SMYD1: variants seen among roughly 807,000 people sequenced by gnomAD.
SMYD1 encodes the protein histone-lysine N-methyltransferase SMYD1.
SMYD1 carries 49 observed loss-of-function variants against 54.0 expected under a neutral mutation model. That is an observed-to-expected ratio of 0.91 (90% CI 0.72 to 1.15). SMYD1 has a LOEUF of 1.15. SMYD1 is among the 50% of genes most tolerant of loss of function. SMYD1 has a pLI of 0.00. For missense variants in SMYD1, 653 were observed against 639.6 expected, an observed-to-expected ratio of 1.02 and a Z score of -0.23; for synonymous variants, 269 against 234.2, an observed-to-expected ratio of 1.15 and a Z score of -1.36.
chr2:88,074,004 A>G (rs1674003707), intron 1 of SMYD1, among the ~76,000 whole-genome samples: 1 of 152,204 alleles, frequency 6.6e-6, no homozygotes, highest in Non-Finnish European at 1.5e-5. Context: ...ATACTTGTGG[A>G]AAGAATCAGG....
chr2:88,081,112 A>T (rs1412633501), intron 1 of SMYD1, among the ~76,000 whole-genome samples: 1 of 152,136 alleles, frequency 6.6e-6, no homozygotes, highest in Non-Finnish European at 1.5e-5. Flanking sequence ...CATGTTGGCC[A>T]GGCTAGTCTT....
At position 88,087,959 on chromosome 2, in the gene SMYD1, C is replaced by A. The variant is rs755918103; in HGVS notation, c.412C>A (p.His138Asn). 1.2e-6 allele frequency: 2 copies of A among 1,614,132 alleles called. No homozygotes were observed. Among genetic ancestry groups the A allele is most frequent in the Non-Finnish European group, 1.7e-6 (2 of 1,180,004 alleles). ...SVDDLQNHVE[H>N]FGEEEQKDLR... ...GGACGACTTGCAGAACCACGTGGAG[C>A]ACTTTGGGGAGGAGGAGCAGAAGGA... The change falls in exon 3 of 10, where the codon CAC (histidine) becomes AAC (asparagine). Residue 138 changes from histidine (H) to asparagine (N), a missense_variant. Transcript: ENST00000419482.
intron 1 of SMYD1, among the ~76,000 whole-genome samples, chr2:88,080,874 GC>G (rs1240092295): frequency 2.0e-5 from 3 of 151,830 alleles, no homozygotes; most frequent in African/African-American, 7.3e-5. Context: ...TCACAAAGGA[GC>G]TTTTGAGCTG....
chr2:88,075,987 C>A (rs1338377885), intron 1 of SMYD1, among the ~76,000 whole-genome samples: 1 of 152,152 alleles, frequency 6.6e-6, no homozygotes, highest in Non-Finnish European at 1.5e-5. Flanking sequence ...AAGACCTCAA[C>A]CTTCTCTGAG....
chr2:88,092,048 A>G (rs1318960236), intron 4 of SMYD1, among the ~76,000 whole-genome samples: 4 of 152,188 alleles, frequency 2.6e-5, no homozygotes, highest in Admixed American at 2.6e-4. Context: ...AGGGCCCCCA[A>G]CAGCTCAGCT....
intron 6 of SMYD1, among the ~76,000 whole-genome samples, chr2:88,097,544 G>T (rs754994992): frequency 1.3e-5 from 2 of 152,182 alleles, no homozygotes; most frequent in Non-Finnish European, 2.9e-5. Context: ...TGCTCAGGGG[G>T]AGGATGAGGG....
intron 6 of SMYD1, among the ~76,000 whole-genome samples, chr2:88,101,894 T>C (rs1172539416): frequency 6.6e-6 from 1 of 152,158 alleles, no homozygotes; most frequent in East Asian, 1.9e-4. Context: ...GCGTGAGCCA[T>C]CGTGCTGGGC....
intron 1 of SMYD1, among the ~76,000 whole-genome samples, chr2:88,074,534 T>C (rs918975423): frequency 6.6e-6 from 1 of 152,226 alleles, no homozygotes; most frequent in Non-Finnish European, 1.5e-5. Flanking sequence ...GTTCTGGGGA[T>C]TAAGACATTG....
chr2:88,095,915 G>A (rs1250336983), intron 5 of SMYD1, among the ~76,000 whole-genome samples: 2 of 152,182 alleles, frequency 1.3e-5, no homozygotes, highest in Admixed American at 6.5e-5. Context: ...GGTCTAGGCT[G>A]GAAGGGAACT....
rs767686633 is a variant in SMYD1, at chr2:88,091,059, C to T, written c.576C>T (p.Ala192=). Reference sequence around the variant, plus strand: ...TCAGTGATCAGAGAGGCCTGCAGGCCGTGGGCGTAGGCATCTTCCCCAACC... The same window carrying T: ...TCAGTGATCAGAGAGGCCTGCAGGCTGTGGGCGTAGGCATCTTCCCCAACC... The part of the protein sequence containing the change: ...FTLSDQRGLQ[A]VGVGIFPNLG... Residue 192 remains alanine (A), a synonymous_variant, in exon 4 of 10, where the codon GCC becomes GCT. Coordinates refer to ENST00000419482, the MANE Select transcript of SMYD1 (RefSeq NM_198274.4). 7 of 1,614,094 alleles carry T rather than the reference C, an allele frequency of 4.3e-6. No individual in the cohort carries two copies. The highest frequency in any genetic ancestry group is 5.9e-6 in the Non-Finnish European group (7 of 1,179,984).
intron 6 of SMYD1, among the ~76,000 whole-genome samples, chr2:88,099,439 G>T (rs1674671307): frequency 6.6e-6 from 1 of 152,066 alleles, no homozygotes; most frequent in Non-Finnish European, 1.5e-5. Flanking sequence ...ATAGGAATGT[G>T]CCAGGTCGGG....
Position 88,112,218 on chromosome 2 carries a change from A to G in SMYD1, c.*1706A>G, listed in dbSNP as rs1263175587. 2.7e-5 allele frequency: 19 copies of G among 693,964 alleles called. No individual in the cohort carries two copies. Among genetic ancestry groups the G allele is most frequent in the Non-Finnish European group, 2.6e-5 (10 of 378,050 alleles). 43.0% of individuals were successfully genotyped at this position (693,964 alleles called of 1,614,324 possible). ...CAAATTATCACTCTTTTACCTTCAT[A>G]TAAAATGTCTCCCCCAAACCTTTTT... On this transcript the variant is annotated 3_prime_UTR_variant, in exon 10 of 10. Transcript: ENST00000419482.
In SMYD1 at chr2:88,103,038, A is replaced by T. The variant is rs1674756607; in HGVS notation, c.889-20A>T. 8 of 1,608,968 alleles carry T rather than the reference A, an allele frequency of 5.0e-6. No homozygotes were observed. The highest frequency in any genetic ancestry group is 6.0e-6 in the Non-Finnish European group (7 of 1,175,574). On this transcript the variant is annotated intron_variant, in intron 6 of 9. Coordinates refer to ENST00000419482, the MANE Select transcript of SMYD1 (RefSeq NM_198274.4). Reference sequence around the variant, plus strand: ...TGCCTCATGAAGGCATCTCTAGCTCAATGTGTCTCTCTTTCCCAGCCCTCT... The same window carrying T: ...TGCCTCATGAAGGCATCTCTAGCTCTATGTGTCTCTCTTTCCCAGCCCTCT...
chr2:88,102,134 GAATA>G (rs765345019), intron 6 of SMYD1, among the ~76,000 whole-genome samples: 5 of 151,138 alleles, frequency 3.3e-5, no homozygotes, highest in Admixed American at 6.6e-5. Context: ...TTTACAGTCA[GAATA>G]AATAATAAAG....
chr2:88,105,515 A>G (rs1195943252), intron 7 of SMYD1, among the ~76,000 whole-genome samples: 5 of 152,162 alleles, frequency 3.3e-5, no homozygotes, highest in Admixed American at 3.3e-4. Context: ...ACATCCTTCC[A>G]TATACTTTAA....
At chr2:88,108,609 G>C (rs1674940673) in intron 9 of SMYD1, 70 bp downstream of exon 9, 6 of 1,439,804 alleles carry the variant, frequency 4.2e-6, no homozygotes, top group Non-Finnish European at 5.5e-6. Context: ...TGTGAGTTCA[G>C]GTGGACTCTG....
At chr2:88,079,571 C>G (rs567917964) in intron 1 of SMYD1, among the ~76,000 whole-genome samples, 133 of 152,264 alleles carry the variant, frequency 8.7e-4, no homozygotes, top group Non-Finnish European at 1.7e-3. Flanking sequence ...ACAATAATCC[C>G]AGCACTTTGG....
chr2:88,095,755 G>A (rs1309360799), intron 5 of SMYD1, among the ~76,000 whole-genome samples: 2 of 152,212 alleles, frequency 1.3e-5, no homozygotes, highest in Non-Finnish European at 2.9e-5. Context: ...TGGCCTTGTG[G>A]TGGAGGATGC....
intron 8 of SMYD1, among the ~76,000 whole-genome samples, chr2:88,107,720 A>T (rs1474343790): frequency 1.3e-5 from 2 of 152,166 alleles, no homozygotes; most frequent in African/African-American, 4.8e-5. Flanking sequence ...GCGAGGCTCC[A>T]TGGGTGTAGG....
Sources: gnomAD v4.1 joint callset for allele counts (sites outside exome capture counted in the v4.1 genomes callset) on GRCh38, gnomAD v4.1.1 for gene constraint, MANE v1.5 for transcripts, NCBI Gene and HGNC (gene_info 2026-07-23, HGNC 2026-07-21) for gene names.